GRM7: variants seen among roughly 807,000 people sequenced by gnomAD.
The protein encoded by GRM7 is metabotropic glutamate receptor 7.
A neutral mutation model predicts 84.5 loss-of-function variants in GRM7; 35 were observed. That is an observed-to-expected ratio of 0.41 (90% confidence interval 0.32 to 0.55). GRM7 has a LOEUF of 0.55. Among genes scored for constraint, GRM7 ranks in the 20% least tolerant of loss-of-function variants. GRM7 has a pLI of 0.19. For synonymous variants in GRM7, 487 were observed against 455.1 expected (o/e 1.07, Z -0.89); for missense variants, 1,003 against 1,194.6 (o/e 0.84, Z 2.36).
intron 1 of GRM7, among the ~76,000 whole-genome samples, chr3:6,893,703 A>G (rs1416003610): frequency 6.6e-6 from 1 of 152,128 alleles, no homozygotes; most frequent in Non-Finnish European, 1.5e-5. Context: ...CACCCACACA[A>G]TTTATATTTT....
At chr3:6,910,595 G>A (rs1313477134) in intron 1 of GRM7, among the ~76,000 whole-genome samples, 2 of 152,100 alleles carry the variant, frequency 1.3e-5, no homozygotes, top group South Asian at 2.1e-4. Context: ...GTTCTCTTTA[G>A]TTGGGCTCAG....
At chr3:7,165,764 T>A (rs1255885010) in intron 2 of GRM7, among the ~76,000 whole-genome samples, 2 of 152,222 alleles carry the variant, frequency 1.3e-5, no homozygotes, top group African/African-American at 2.4e-5. Flanking sequence ...TGCACTTTTT[T>A]AAAGCTCTAT....
intron 7 of GRM7, among the ~76,000 whole-genome samples, chr3:7,549,384 A>T (rs1410689566): frequency 6.6e-6 from 1 of 152,158 alleles, no homozygotes; most frequent in Non-Finnish European, 1.5e-5. Context: ...AATCAATCAT[A>T]GTGTTTATAG....
intron 2 of GRM7, among the ~76,000 whole-genome samples, chr3:7,265,705 A>G (rs1320997940): frequency 6.6e-6 from 1 of 152,146 alleles, no homozygotes. Context: ...GTATGAGGGG[A>G]GCCTGTCCTC....
chr3:7,152,444 A>G (rs1234760353), intron 2 of GRM7, among the ~76,000 whole-genome samples: 1 of 152,240 alleles, frequency 6.6e-6, no homozygotes, highest in Non-Finnish European at 1.5e-5. Flanking sequence ...CGTGAAACAT[A>G]AGGTCCTTCA....
intron 2 of GRM7, among the ~76,000 whole-genome samples, chr3:7,161,422 GAAA>G (rs75862127): frequency 1.7e-4 from 23 of 134,728 alleles, no homozygotes; most frequent in African/African-American, 5.1e-4. Context: ...GTAATGACCT[GAAA>G]AAAAAAAAAA....
chr3:7,619,929 C>T (rs1255925560), intron 8 of GRM7, among the ~76,000 whole-genome samples: 1 of 152,102 alleles, frequency 6.6e-6, no homozygotes, highest in Non-Finnish European at 1.5e-5. Flanking sequence ...AGTCCAATGA[C>T]GTTTTTCTTA....
At chr3:7,420,739 G>C (rs988035770) in intron 5 of GRM7, among the ~76,000 whole-genome samples, 3 of 152,024 alleles carry the variant, frequency 2.0e-5, no homozygotes, top group Non-Finnish European at 4.4e-5. Context: ...AAGAATCTTT[G>C]CTGGTTAATT....
intron 4 of GRM7, among the ~76,000 whole-genome samples, chr3:7,400,294 GTCAC>G (rs1695395514): frequency 6.6e-6 from 1 of 152,066 alleles, no homozygotes; most frequent in South Asian, 2.1e-4. Flanking sequence ...CTATAGCAAT[GTCAC>G]TCAACAAATA....
chr3:7,589,589 A>T (rs1355907938), intron 8 of GRM7, among the ~76,000 whole-genome samples: 1 of 152,128 alleles, frequency 6.6e-6, no homozygotes, highest in African/African-American at 2.4e-5. Context: ...GTAAGAGGAG[A>T]CGTCCCATAT....
chr3:7,666,485 G>C (rs1228908536), intron 8 of GRM7, among the ~76,000 whole-genome samples: 1 of 152,186 alleles, frequency 6.6e-6, no homozygotes, highest in Non-Finnish European at 1.5e-5. Flanking sequence ...CGTTCTGGTT[G>C]CTCCGTGCAG....
chr3:7,723,188 A>G (rs1702012988), intron 9 of GRM7, among the ~76,000 whole-genome samples: 1 of 152,174 alleles, frequency 6.6e-6, no homozygotes, highest in African/African-American at 2.4e-5. Flanking sequence ...TCTCCAACAT[A>G]ATCATAATAC....
At chr3:7,695,153 G>C (rs748278122) in intron 9 of GRM7, among the ~76,000 whole-genome samples, 1 of 152,188 alleles carries the variant, frequency 6.6e-6, no homozygotes, top group Non-Finnish European at 1.5e-5. Context: ...CTAGCACTGT[G>C]AGAAGCTATG....
At chr3:7,557,061 A>G (rs1381214458) in intron 7 of GRM7, among the ~76,000 whole-genome samples, 1 of 152,168 alleles carries the variant, frequency 6.6e-6, no homozygotes, top group African/African-American at 2.4e-5. Flanking sequence ...TAGGGTTACT[A>G]TGACTAGATT....
At chr3:7,089,017 T>C (rs1193411017) in intron 1 of GRM7, among the ~76,000 whole-genome samples, 1 of 152,080 alleles carries the variant, frequency 6.6e-6, no homozygotes, top group Non-Finnish European at 1.5e-5. Context: ...CAAAAGCAAA[T>C]GTCGATTACC....
intron 7 of GRM7, among the ~76,000 whole-genome samples, chr3:7,505,407 C>A (rs2124970318): frequency 6.6e-6 from 1 of 152,338 alleles, no homozygotes; most frequent in East Asian, 1.9e-4. Context: ...CTAGAGGGAG[C>A]TCTTAGCAGC....
intron 5 of GRM7, among the ~76,000 whole-genome samples, chr3:7,434,493 T>C (rs1696961767): frequency 6.6e-6 from 1 of 152,184 alleles, no homozygotes; most frequent in Non-Finnish European, 1.5e-5. Context: ...CTGAGTTTTG[T>C]TATGGGTGAA....
intron 4 of GRM7, among the ~76,000 whole-genome samples, chr3:7,327,745 C>A (rs1701042670): frequency 6.6e-6 from 1 of 152,110 alleles, no homozygotes; most frequent in African/African-American, 2.4e-5. Context: ...ACGAGGTGGA[C>A]CAGGTGGGAA....
chr3:7,015,600 G>A (rs1452007768), intron 1 of GRM7, among the ~76,000 whole-genome samples: 3 of 152,204 alleles, frequency 2.0e-5, no homozygotes, highest in African/African-American at 7.2e-5. Flanking sequence ...AGCTGGTTCT[G>A]GCTTAAGGTC....
Sources: allele counts gnomAD v4.1 joint callset (sites outside exome capture counted in the v4.1 genomes callset), GRCh38; gene constraint gnomAD v4.1.1; transcripts MANE v1.5; gene names NCBI Gene and HGNC (gene_info 2026-07-23, HGNC 2026-07-21).